Variants in AFAP1 observed in about 807,000 individuals in gnomAD.
AFAP1 encodes actin filament-associated protein 1.
A neutral mutation model predicts 93.9 loss-of-function variants in AFAP1; 75 were observed. The ratio of observed to expected loss-of-function variants is 0.80; its 90% CI spans 0.66 to 0.97. The LOEUF is 0.97. AFAP1 is among the 50% of genes least tolerant of loss of function. The pLI is 0.00. For missense variants in AFAP1, 1,201 were observed against 1,050.8 expected (o/e 1.14, Z -1.98); for synonymous variants, 517 against 430.7 (o/e 1.20, Z -2.48).
intron 8 of AFAP1, among the ~76,000 whole-genome samples, chr4:7,810,595 C>A (rs367604153): frequency 6.6e-6 from 1 of 152,212 alleles, no homozygotes; most frequent in Non-Finnish European, 1.5e-5. Context: ...AGACCAGGGG[C>A]CTGCCTTCCA....
At position 7,939,382 on chromosome 4, in the gene AFAP1, A is replaced by G; in HGVS notation, c.-3+274T>C. 3.1e-6 allele frequency: 1 copy of G among 323,778 alleles called. No individual in the cohort carries two copies. The highest frequency in any genetic ancestry group is 6.2e-6 in the Non-Finnish European group (1 of 162,044). The allele number at this position is 323,778 out of a possible 1,614,324, so 20.1% of individuals were successfully genotyped here. ...CAGCCACGCCGCGGGGGCACCGGGCAGGAGCCAGCGCCCGGGTCCACGCAG... is the reference window on the plus strand; with the variant it reads ...CAGCCACGCCGCGGGGGCACCGGGCGGGAGCCAGCGCCCGGGTCCACGCAG... On this transcript the variant is annotated intron_variant, in intron 1 of 17. Coordinates refer to ENST00000420658, the MANE Select transcript of AFAP1 (RefSeq NM_001134647.2). This position sits in a 1 kb window ranked among gnomAD's most constrained non-coding sequence, Gnocchi z 5.6.
intron 7 of AFAP1, among the ~76,000 whole-genome samples, chr4:7,818,857 C>T (rs1720708680): frequency 6.6e-6 from 1 of 152,226 alleles, no homozygotes; most frequent in Non-Finnish European, 1.5e-5. Flanking sequence ...TCCATTGCTT[C>T]ATCTGTAGCT....
rs577908502 is a variant in AFAP1 at position 7,786,566 on chromosome 4, G to A, written c.1413-255C>T. On this transcript the variant is annotated intron_variant, in intron 11 of 17. Coordinates refer to ENST00000420658, the MANE Select transcript of AFAP1 (RefSeq NM_001134647.2). ...ACCAACACCAGGTACACGCAGCAAA[G>A]CCTGCAAATAACAGGTGTTCAGAAA... is the stretch of plus-strand genomic sequence containing the variant. 9.2e-5 allele frequency among the ~76,000 whole-genome samples: 14 copies of A among 152,324 alleles called. No individual in the cohort carries two copies. In the East Asian group the frequency reaches 2.5e-3, roughly 27 times the overall value.
chr4:7,888,624 G>T (rs975659361), intron 1 of AFAP1, among the ~76,000 whole-genome samples: 1 of 152,114 alleles, frequency 6.6e-6, no homozygotes, highest in Non-Finnish European at 1.5e-5. Flanking sequence ...CTTCACTAGT[G>T]AATTCTAGCA....
chr4:7,839,423 A>G (rs954280563), intron 5 of AFAP1, among the ~76,000 whole-genome samples: 1 of 152,050 alleles, frequency 6.6e-6, no homozygotes, highest in South Asian at 2.1e-4. Context: ...TATATATAAA[A>G]TACATTTATA....
intron 1 of AFAP1, among the ~76,000 whole-genome samples, chr4:7,921,833 G>C (rs1225360270): frequency 6.6e-6 from 1 of 152,188 alleles, no homozygotes; most frequent in East Asian, 1.9e-4. Flanking sequence ...TTTTTAAAAA[G>C]AAGACACATA....
intron 8 of AFAP1, among the ~76,000 whole-genome samples, chr4:7,815,593 A>G (rs1441807117): frequency 6.6e-6 from 1 of 152,132 alleles, no homozygotes; most frequent in African/African-American, 2.4e-5. Context: ...GGGCTCAGCA[A>G]AGGCAGAGCT....
At chr4:7,801,700 G>GCA (rs1374421573) in intron 9 of AFAP1, among the ~76,000 whole-genome samples, 7 of 151,354 alleles carry the variant, frequency 4.6e-5, no homozygotes, top group South Asian at 2.1e-4. Context: ...ATTCACACAT[G>GCA]CACACACACA....
intron 1 of AFAP1, among the ~76,000 whole-genome samples, chr4:7,921,826 T>C (rs1488470684): frequency 2.0e-5 from 3 of 152,186 alleles, no homozygotes; most frequent in Non-Finnish European, 4.4e-5. Flanking sequence ...ATCTGTGTTT[T>C]TAAAAAGAAG....
chr4:7,925,815 A>G (rs2149240939), intron 1 of AFAP1, among the ~76,000 whole-genome samples: 1 of 151,180 alleles, frequency 6.6e-6, no homozygotes, highest in African/African-American at 2.4e-5. Context: ...CATGCACTCC[A>G]GCCTAGGCAA....
Position 7,789,337 on chromosome 4 carries a change from C to T in AFAP1, c.1413-3026G>A, listed in dbSNP as rs184466836. ...ATTTCACAATAACCTCCCGGGACTC[C>T]GAGGAAAGGGTGGCCAAGAGAACTG... is the stretch of plus-strand genomic sequence containing the variant. On this transcript the variant is annotated intron_variant, in intron 11 of 17. Transcript: ENST00000420658. 2.8e-4 allele frequency among the ~76,000 whole-genome samples: 43 copies of T among 152,300 alleles called. 1 individual carries two copies. In the South Asian group the frequency reaches 5.8e-3, roughly 21 times the overall value.
At chr4:7,920,987 T>G (rs141999484) in intron 1 of AFAP1, among the ~76,000 whole-genome samples, 64 of 151,554 alleles carry the variant, frequency 4.2e-4, no homozygotes, top group Non-Finnish European at 6.8e-4. Context: ...TTTTTGTAGG[T>G]ATACCTATAT....
chr4:7,847,441 A>G (rs1236858748), intron 4 of AFAP1, among the ~76,000 whole-genome samples: 3 of 151,552 alleles, frequency 2.0e-5, no homozygotes, highest in Admixed American at 6.6e-5. Flanking sequence ...TATGCTTAGC[A>G]ATGACCCAAT....
intron 4 of AFAP1, among the ~76,000 whole-genome samples, chr4:7,845,214 G>A (rs1046783279): frequency 3.3e-5 from 5 of 152,106 alleles, no homozygotes; most frequent in Admixed American, 1.3e-4. Context: ...TTGAGCCCAG[G>A]AGTTCAAGAC....
At chr4:7,830,940 A>C (rs1426399914) in intron 6 of AFAP1, among the ~76,000 whole-genome samples, 1 of 152,226 alleles carries the variant, frequency 6.6e-6, no homozygotes, top group African/African-American at 2.4e-5. Context: ...GACCAAATTC[A>C]GATAAAAGTC....
intron 3 of AFAP1, among the ~76,000 whole-genome samples, chr4:7,860,032 G>A (rs919668319): frequency 1.3e-5 from 2 of 152,020 alleles, no homozygotes; most frequent in African/African-American, 4.8e-5. Flanking sequence ...AGTCCCAACT[G>A]CTAGGGAGGC....
chr4:7,788,159 G>A (rs34250310), intron 11 of AFAP1, among the ~76,000 whole-genome samples: 31,015 of 152,246 alleles, frequency 0.2, 4,097 homozygotes, highest in Non-Finnish European at 0.3. Context: ...CCGAAGCCAC[G>A]GGTCAGGACT....
chr4:7,819,955 G>T (rs4689873), intron 6 of AFAP1, among the ~76,000 whole-genome samples: 1 of 152,090 alleles, frequency 6.6e-6, no homozygotes, highest in African/African-American at 2.4e-5. Context: ...CCCAAGACAG[G>T]GCCTAAAGCA....
At chr4:7,808,425 T>C (rs898718465) in intron 9 of AFAP1, among the ~76,000 whole-genome samples, 31 of 151,942 alleles carry the variant, frequency 2.0e-4, no homozygotes, top group African/African-American at 6.5e-4. Flanking sequence ...CTGTGGTAAC[T>C]GGGCTTGTAC....
Sources: allele counts gnomAD v4.1 joint callset (sites outside exome capture counted in the v4.1 genomes callset), GRCh38; gene constraint gnomAD v4.1.1; non-coding constraint Gnocchi (gnomAD v3.1); transcripts MANE v1.5; gene names NCBI Gene and HGNC (gene_info 2026-07-23, HGNC 2026-07-21).